Variants in CD177 observed in about 807,000 individuals in gnomAD.
CD177 encodes CD177 antigen.
In CD177, 41 loss-of-function variants were observed where a neutral mutation model predicts 38.1. The ratio of observed to expected loss-of-function variants is 1.07; its 90% CI spans 0.84 to 1.39. The LOEUF (loss-of-function observed/expected upper bound fraction) is 1.39. Among genes scored for constraint, CD177 ranks in the 40% most tolerant of loss-of-function variants. The pLI, the probability that CD177 is intolerant of heterozygous loss-of-function variation, is 0.00. For synonymous variants in CD177, 236 were observed against 216.7 expected, an observed-to-expected ratio of 1.09 and a Z score of -0.78; for missense variants, 619 against 523.8, an observed-to-expected ratio of 1.18 and a Z score of -1.77.
rs372882731 is a variant in CD177 at position 43,353,975 on chromosome 19, T to G, written c.175T>G (p.Leu59Val). Residue 59 changes from leucine to valine, a missense_variant, in exon 2 of 9, where the codon TTG becomes GTG. Coordinates refer to ENST00000618265, the MANE Select transcript of CD177 (RefSeq NM_020406.4). Reference sequence around the variant, plus strand: ...CAGCGGCTTGGGGTGCCAGGACACGTTGATGCTCATTGAGAGCGGTGAGAA... The same window carrying G: ...CAGCGGCTTGGGGTGCCAGGACACGGTGATGCTCATTGAGAGCGGTGAGAA... Reference protein sequence around the residue: ...CDSGLGCQDTLMLIESGPQVS... With the variant: ...CDSGLGCQDTVMLIESGPQVS... The G allele has an allele frequency of 2.5e-6, 4 of 1,613,626 alleles. No individual in the cohort carries two copies. Among genetic ancestry groups the G allele is most frequent in the South Asian group, 2.2e-5 (2 of 91,080 alleles).
chr19:43,365,307 C>T (rs956819218), downstream of CD177, among the ~76,000 whole-genome samples: 73 of 129,784 alleles, frequency 5.6e-4, 9 homozygotes, highest in Non-Finnish European at 9.6e-4. Flanking sequence ...GAGACTCAGT[C>T]CACTTGTGGT....
Position 43,353,762 on chromosome 19 carries a change from G to A in CD177, c.48G>A (p.Leu16=). 6.2e-7 allele frequency: 1 copy of A among 1,613,942 alleles called. No individual in the cohort carries two copies. Among genetic ancestry groups the A allele is most frequent in the Non-Finnish European group, 8.5e-7 (1 of 1,179,862 alleles). ...LLALLGFILP[L]PGVQALLCQF... ...CCCTCCTGGGGTTCATCCTCCCACT[G>A]CCAGGTGAGTGATGAGCCCAGCCTG... Residue 16 remains leucine, a synonymous_variant, in exon 1 of 9, where the codon CTG becomes CTA. Transcript: ENST00000618265.
rs1969919188 is a variant in CD177, at chr19:43,355,711, G to T, written c.430G>T (p.Glu144Ter). The T allele has an allele frequency of 1.9e-6, 3 of 1,613,022 alleles. No individual in the cohort carries two copies. The highest frequency in any genetic ancestry group is 1.6e-4 in the Middle Eastern group (1 of 6,062). The change falls in exon 4 of 9, where the codon GAG becomes TAG. Residue 144 changes from glutamate to a stop codon, truncating the protein, a stop_gained. Coordinates refer to ENST00000618265, the MANE Select transcript of CD177 (RefSeq NM_020406.4). LOFTEE classifies it high-confidence loss of function. ...PVCLSMEGCL[E>*]GTTEEICPKG... The stretch of plus-strand genomic sequence containing the variant: ...CTGCTTGTCTATGGAAGGCTGTCTG[G>T]AGGGGACAACAGAAGAGATCTGCCC...
downstream of CD177, among the ~76,000 whole-genome samples, chr19:43,364,034 A>T (rs1357369727): frequency 6.6e-6 from 1 of 152,164 alleles, no homozygotes; most frequent in Non-Finnish European, 1.5e-5. Context: ...GTGAGCCAAG[A>T]CTGCACCACT....
intron 2 of CD177, 65 bp from the exon 3 acceptor site, chr19:43,354,142 G>C: frequency 6.4e-7 from 1 of 1,573,776 alleles, no homozygotes; most frequent in Non-Finnish European, 8.6e-7. Flanking sequence ...CCGTGTAGCA[G>C]CGTCTCCCTC....
chr19:43,360,633 T>C lies in CD177; in HGVS notation c.760+228T>C. On this transcript the variant is annotated intron_variant, in intron 6 of 8. Coordinates refer to ENST00000618265, the MANE Select transcript of CD177 (RefSeq NM_020406.4). ...TGGGGAGGGGTGACCACGTATGCGG[T>C]AATCCCTGCCCAGGGTGGAGAACCG... 5 of 534,666 alleles carry C rather than the reference T, an allele frequency of 9.4e-6. No individual in the cohort carries two copies. In the South Asian group the frequency reaches 1.1e-4, roughly 12 times the overall value. 33.1% of individuals were successfully genotyped at this position (534,666 alleles called of 1,614,324 possible).
At chr19:43,366,028 C>T (rs563351814), downstream of CD177, among the ~76,000 whole-genome samples, 1 of 152,290 alleles carries the variant, frequency 6.6e-6, no homozygotes, top group African/African-American at 2.4e-5. Flanking sequence ...TCAGAGTTAC[C>T]TGCAGGAGGA....
chr19:43,360,818 TG>T (rs1360785965), intron 6 of CD177: 1 of 501,654 alleles, frequency 2.0e-6, no homozygotes, highest in Non-Finnish European at 3.6e-6. Context: ...GTATGGGGAA[TG>T]GAGATCCCAG....
intron 5 of CD177, 120 bp from the exon 6 acceptor site, chr19:43,360,145 C>T: frequency 8.4e-7 from 1 of 1,197,210 alleles, no homozygotes; most frequent in Non-Finnish European, 1.2e-6. Flanking sequence ...TTAAGGGAAT[C>T]TGTGGCCAGG....
In CD177 at chr19:43,354,308, T is replaced by C; in HGVS notation, c.295T>C (p.Ser99Pro). 1 of 1,613,832 alleles carries C rather than the reference T, an allele frequency of 6.2e-7. No individual in the cohort carries two copies. The highest frequency in any genetic ancestry group is 8.5e-7 in the Non-Finnish European group (1 of 1,179,842). Reference sequence around the variant, plus strand: ...GATGGGCCCCGGCCTCTCCCTGATCTCCTACACCTTCGTGTGCCGCCAGGA... The same window carrying C: ...GATGGGCCCCGGCCTCTCCCTGATCCCCTACACCTTCGTGTGCCGCCAGGA... ...HRMGPGLSLISYTFVCRQEDF... is the reference protein window; with the variant it reads ...HRMGPGLSLIPYTFVCRQEDF... The change falls in exon 3 of 9, where the codon TCC (serine) becomes CCC (proline). Residue 99 changes from serine to proline, a missense_variant. By Grantham distance (74) the Ser-to-Pro change is moderately conservative. Coordinates refer to ENST00000618265, the MANE Select transcript of CD177 (RefSeq NM_020406.4).
rs951068125 is a variant in CD177, at chr19:43,354,065, G to A, written c.193+72G>A. On this transcript the variant is annotated intron_variant, in intron 2 of 8. Transcript: ENST00000618265. ...CCTTGATCCCTGTGCAGGGACCCGG[G>A]AGCCACCCCTCCGGGGGATCGACTC... 1.9e-6 allele frequency: 3 copies of A among 1,578,336 alleles called. No individual in the cohort carries two copies. In the African/African-American group the frequency reaches 4.1e-5, roughly 21 times the overall value.
intron 6 of CD177, chr19:43,360,615 G>T: frequency 1.8e-6 from 1 of 571,188 alleles, no homozygotes; most frequent in Non-Finnish European, 3.1e-6. Context: ...TTCTGGGGAG[G>T]GGTGACCACG....
At chr19:43,364,060 C>G (rs567286654), downstream of CD177, among the ~76,000 whole-genome samples, 5 of 152,268 alleles carry the variant, frequency 3.3e-5, no homozygotes, top group South Asian at 2.1e-4. Flanking sequence ...CCAGCCTGGG[C>G]GACAGAGCAA....
chr19:43,353,939 A>ACCAGCTG lies in CD177; in HGVS notation c.141_147dup (p.Asp50GlnfsTer16). On this transcript the variant is annotated frameshift_variant, in exon 2 of 9. Coordinates refer to ENST00000618265, the MANE Select transcript of CD177 (RefSeq NM_020406.4). LOFTEE classifies it high-confidence loss of function. ...GCCCCGGCAATGGACCCCTAAGAAC[A>ACCAGCTG]CCAGCTGCGACAGCGGCTTGGGGTG... is the stretch of plus-strand genomic sequence containing the variant. 6.2e-7 allele frequency: 1 copy of ACCAGCTG among 1,613,814 alleles called. No homozygotes were observed. Among genetic ancestry groups the ACCAGCTG allele is most frequent in the Non-Finnish European group, 8.5e-7 (1 of 1,179,828 alleles).
At chr19:43,359,858 G>A (rs2122244764) in intron 5 of CD177, among the ~76,000 whole-genome samples, 1 of 132,374 alleles carries the variant, frequency 7.6e-6, no homozygotes, top group African/African-American at 2.9e-5. Context: ...GCCCACCCTG[G>A]CCCTTCGCAT....
At chr19:43,355,129 TC>T (rs1240600621) in intron 3 of CD177, among the ~76,000 whole-genome samples, 6,269 of 108,932 alleles carry the variant, frequency 0.058, 997 homozygotes, top group African/African-American at 0.14. Context: ...TTTTTTTTTT[TC>T]TGAGAAAGCG....
intron 3 of CD177, 74 bp downstream of exon 3, chr19:43,354,466 C>A: frequency 1.3e-6 from 2 of 1,491,642 alleles, no homozygotes; most frequent in Non-Finnish European, 9.3e-7. Context: ...GGGGCTGTTA[C>A]GGAGTCCCTC....
At chr19:43,354,087 ACTC>A in intron 2 of CD177, 94 bp downstream of exon 2, 18 of 1,562,968 alleles carry the variant, frequency 1.2e-5, no homozygotes, top group Admixed American at 1.8e-5. Flanking sequence ...CGGGGGATCG[ACTC>A]CTAGGGTCCC....
chr19:43,363,810 G>C (rs555990929), downstream of CD177, among the ~76,000 whole-genome samples: 2 of 152,168 alleles, frequency 1.3e-5, no homozygotes, highest in Non-Finnish European at 2.9e-5. Context: ...AGTCCAGGAC[G>C]GGCTCGGTGG....
Sources: allele counts gnomAD v4.1 joint callset (sites outside exome capture counted in the v4.1 genomes callset), GRCh38; gene constraint gnomAD v4.1.1; transcripts MANE v1.5; gene names NCBI Gene and HGNC (gene_info 2026-07-23, HGNC 2026-07-21).